Variants in PPP2R2C observed in about 807,000 individuals in gnomAD.
The protein encoded by PPP2R2C is protein phosphatase 2, regulatory subunit B, gamma.
A neutral mutation model predicts 45.3 loss-of-function variants in PPP2R2C; 10 were observed. The observed-to-expected ratio is 0.22, with a 90% CI of 0.14 to 0.37. PPP2R2C has a LOEUF of 0.37. PPP2R2C is among the 10% of genes least tolerant of loss of function. The probability of loss-of-function intolerance (pLI) is 1.00; values close to 1 mark genes in which losing one functional copy is unlikely to be tolerated. For missense variants in PPP2R2C, 308 were observed against 619.7 expected (o/e 0.50, Z 5.34); for synonymous variants, 257 against 245.4 (o/e 1.05, Z -0.44).
intron 6 of PPP2R2C, among the ~76,000 whole-genome samples, chr4:6,338,530 C>G (rs1387290275): frequency 2.6e-5 from 4 of 152,132 alleles, no homozygotes; most frequent in Non-Finnish European, 5.9e-5. Flanking sequence ...ACCTTCCTTT[C>G]CAGCCTCACA....
rs181016177 is a variant in PPP2R2C at position 6,447,569 on chromosome 4, C to T, written c.70+24591G>A. ...ATGCCAGCAAAGATGGTGACCTGACCTTTGTCCTCCTCCTTCCCCCTGCTT... is the reference window on the plus strand; with the variant it reads ...ATGCCAGCAAAGATGGTGACCTGACTTTTGTCCTCCTCCTTCCCCCTGCTT... On this transcript the variant is annotated intron_variant, in intron 1 of 8. Coordinates refer to ENST00000382599, the MANE Select transcript of PPP2R2C (RefSeq NM_020416.4). 2.1e-3 allele frequency among the ~76,000 whole-genome samples: 302 copies of T among 146,448 alleles called. No individual in the cohort carries two copies. The Middle Eastern group carries it at 0.028, about 13-fold the overall frequency.
chr4:6,524,451 T>C (rs1724130277), intron 2 of PPP2R2C, among the ~76,000 whole-genome samples: 1 of 152,150 alleles, frequency 6.6e-6, no homozygotes, highest in South Asian at 2.1e-4. Flanking sequence ...AAGGTTTAAT[T>C]GAGCAAAAAA....
chr4:6,430,408 CA>C lies in PPP2R2C; in HGVS notation c.70+41751del, dbSNP rs915026559. ...TGACTGCCTGGTATCAGCGAGAAGC[CA>C]AAGGGGACTGAGAGGTCCAAGAGGA... On this transcript the variant is annotated intron_variant, in intron 1 of 8. Coordinates refer to ENST00000382599, the MANE Select transcript of PPP2R2C (RefSeq NM_020416.4). 5.3e-5 allele frequency among the ~76,000 whole-genome samples: 8 copies of C among 152,272 alleles called. No homozygotes were observed. The East Asian group carries it at 1.5e-3, about 29-fold the overall frequency.
chr4:6,373,618 T>C (rs1715039580), intron 4 of PPP2R2C, among the ~76,000 whole-genome samples: 1 of 152,170 alleles, frequency 6.6e-6, no homozygotes, highest in African/African-American at 2.4e-5. Context: ...CTCCAGTGAA[T>C]GAGTGAATGT....
chr4:6,411,019 T>C (rs185887262), intron 1 of PPP2R2C, among the ~76,000 whole-genome samples: 2 of 152,024 alleles, frequency 1.3e-5, no homozygotes, highest in Admixed American at 6.5e-5. Flanking sequence ...TACAGGCGCA[T>C]GCCACCACAC....
intron 2 of PPP2R2C, among the ~76,000 whole-genome samples, chr4:6,521,125 C>T (rs1371991127): frequency 6.6e-6 from 1 of 152,180 alleles, no homozygotes; most frequent in East Asian, 1.9e-4. Context: ...GCATCGGTGG[C>T]CACAGCGTCT....
chr4:6,344,897 T>C (rs1711689230), intron 6 of PPP2R2C, among the ~76,000 whole-genome samples: 1 of 152,216 alleles, frequency 6.6e-6, no homozygotes, highest in Non-Finnish European at 1.5e-5. Flanking sequence ...TCGACATCAT[T>C]TTCTCGGCAT....
intron 2 of PPP2R2C, among the ~76,000 whole-genome samples, chr4:6,512,272 G>A (rs1367063232): frequency 4.1e-5 from 4 of 97,498 alleles, no homozygotes; most frequent in Admixed American, 9.5e-5. Flanking sequence ...GGTGGTGATG[G>A]TGGGGGTGGT....
rs1553902584 is a variant in PPP2R2C, at chr4:6,472,375, GGGGGACGGGCGGGGGCGGCC to G, written c.-166_-147del. 8 of 1,068,978 alleles carry G rather than the reference GGGGGACGGGCGGGGGCGGCC, an allele frequency of 7.5e-6. No individual in the cohort carries two copies. The South Asian group carries it at 2.6e-4, about 35-fold the overall frequency. 66.2% of individuals were successfully genotyped at this position (1,068,978 alleles called of 1,614,324 possible). On this transcript the variant is annotated 5_prime_UTR_variant, in exon 1 of 9. Coordinates refer to ENST00000382599, the MANE Select transcript of PPP2R2C (RefSeq NM_020416.4). ...GCCCCGAAGGGAGGGCATCGCGGCAGGGGGACGGGCGGGGGCGGCCGGGGGCGGGCGCCGCGGTCAAGCGA... is the reference window on the plus strand; with the variant it reads ...GCCCCGAAGGGAGGGCATCGCGGCAGGGGGGCGGGCGCCGCGGTCAAGCGA...
intron 1 of PPP2R2C, among the ~76,000 whole-genome samples, chr4:6,390,176 G>T (rs1252327494): frequency 6.6e-6 from 1 of 152,112 alleles, no homozygotes; most frequent in Non-Finnish European, 1.5e-5. Flanking sequence ...ACCACCTTAG[G>T]TCCTGAGTGC....
rs1427606304 is a variant in PPP2R2C, at chr4:6,323,358, C to T, written c.1288G>A (p.Ala430Thr). 3.7e-6 allele frequency: 6 copies of T among 1,613,310 alleles called. No homozygotes were observed. The highest frequency in any genetic ancestry group is 1.3e-5 in the African/African-American group (1 of 74,916). Residue 430 changes from alanine (A) to threonine (T), a missense_variant, in exon 9 of 9, where the codon GCC becomes ACC. Ala to Thr is a moderately conservative substitution (Grantham distance 58). Coordinates refer to ENST00000382599, the MANE Select transcript of PPP2R2C (RefSeq NM_020416.4). ...AAGATGTACAGGTTGTTGGTGGCGG[C>T]GATGGCAATGATGTTCTCAGCCGGG... ...WHPAENIIAI[A>T]ATNNLYIFQD...
Position 6,364,326 on chromosome 4 carries a change from T to C in PPP2R2C, c.625+8197A>G, listed in dbSNP as rs1714079310. On this transcript the variant is annotated intron_variant, in intron 5 of 8. Transcript: ENST00000382599. The surrounding 1 kb of genome is among the most constrained non-coding windows in gnomAD (Gnocchi z 5.3). ...GTGAAGAGCAGGGGGCCGGGAACGC[T>C]GAGCCCAGGGAGCAAAGGGAGAGAG... Among the ~76,000 whole-genome samples, 2 of 152,126 alleles carry C rather than the reference T, an allele frequency of 1.3e-5. No individual in the cohort carries two copies. The highest frequency in any genetic ancestry group is 3.9e-4 in the East Asian group (2 of 5,194).
intron 6 of PPP2R2C, among the ~76,000 whole-genome samples, chr4:6,346,440 C>A (rs975028151): frequency 6.6e-6 from 1 of 152,162 alleles, no homozygotes; most frequent in Non-Finnish European, 1.5e-5. Flanking sequence ...TCCCTGACCC[C>A]CTCTGTCCCT....
intron 1 of PPP2R2C, among the ~76,000 whole-genome samples, chr4:6,400,179 T>C (rs1457028115): frequency 1.3e-5 from 2 of 152,190 alleles, no homozygotes; most frequent in Non-Finnish European, 2.9e-5. Context: ...TCCAACTACA[T>C]ATCTGTTTGA....
intron 5 of PPP2R2C, among the ~76,000 whole-genome samples, chr4:6,355,455 A>G (rs1412959527): frequency 6.6e-6 from 1 of 151,954 alleles, no homozygotes; most frequent in Non-Finnish European, 1.5e-5. Context: ...CCAGCATGGC[A>G]CATGTATACA....
rs115467577 is a variant in PPP2R2C at position 6,347,402 on chromosome 4, T to A, written c.790+444A>T. 4.2e-3 allele frequency among the ~76,000 whole-genome samples: 632 copies of A among 152,250 alleles called. 7 individuals carry two copies. Among genetic ancestry groups the A allele is most frequent in the African/African-American group, 0.015 (604 of 41,548 alleles). ...GGATGAGGGGACATGTTACAGACCCTGCTCCAAGGAGCCGGAGAAGATGGG... is the reference window on the plus strand; with the variant it reads ...GGATGAGGGGACATGTTACAGACCCAGCTCCAAGGAGCCGGAGAAGATGGG... On this transcript the variant is annotated intron_variant, in intron 6 of 8. Coordinates refer to ENST00000382599, the MANE Select transcript of PPP2R2C (RefSeq NM_020416.4).
chr4:6,479,931 T>C (rs560572145), intron 2 of PPP2R2C, among the ~76,000 whole-genome samples: 1 of 152,236 alleles, frequency 6.6e-6, no homozygotes, highest in East Asian at 1.9e-4. Context: ...GGCCCGTCTC[T>C]AATTCCTGGA....
intron 2 of PPP2R2C, among the ~76,000 whole-genome samples, chr4:6,482,716 C>T (rs1722398093): frequency 6.6e-6 from 1 of 152,178 alleles, no homozygotes; most frequent in South Asian, 2.1e-4. Flanking sequence ...CCTTGCTGTC[C>T]TTAACCCACT....
At position 6,363,126 on chromosome 4, in the gene PPP2R2C, A is replaced by T. The variant is rs758281180; in HGVS notation, c.625+9397T>A. ...CGGGGTCAGCACCATGGACAGAGCC[A>T]TGGCACGCAGGAAGCCCTCAGTCAT... is the stretch of plus-strand genomic sequence containing the variant. On this transcript the variant is annotated intron_variant, in intron 5 of 8. Transcript: ENST00000382599. Among the ~76,000 whole-genome samples, 39 of 152,296 alleles carry T rather than the reference A, an allele frequency of 2.6e-4. 1 individual carries two copies. The highest frequency in any genetic ancestry group is 6.8e-3 in the Middle Eastern group (2 of 294).
Sources: gnomAD v4.1 joint callset for allele counts (sites outside exome capture counted in the v4.1 genomes callset) on GRCh38, gnomAD v4.1.1 for gene constraint, Gnocchi (gnomAD v3.1) non-coding constraint, MANE v1.5 for transcripts, NCBI Gene and HGNC (gene_info 2026-07-23, HGNC 2026-07-21) for gene names.